The following ADGRL2 variants were observed in gnomAD, a reference collection of about 807,000 sequenced individuals.
ADGRL2 encodes the protein adhesion G protein-coupled receptor L2.
A neutral mutation model predicts 157.4 loss-of-function variants in ADGRL2; 44 were observed. The ratio of observed to expected loss-of-function variants is 0.28; its 90% CI spans 0.22 to 0.36. ADGRL2 has a LOEUF of 0.36. ADGRL2 is among the 10% of genes least tolerant of loss of function. The pLI, the probability that ADGRL2 is intolerant of heterozygous loss-of-function variation, is 1.00. For synonymous variants in ADGRL2, 585 were observed against 624.7 expected (o/e 0.94, Z 0.95); for missense variants, 1,510 against 1,768.9 (o/e 0.85, Z 2.63).
intron 2 of ADGRL2, among the ~76,000 whole-genome samples, chr1:81,791,105 G>A (rs915123569): frequency 4.0e-5 from 6 of 150,360 alleles, no homozygotes; most frequent in Non-Finnish European, 5.9e-5. Flanking sequence ...ATGTGAGCAG[G>A]GAGGGCAGTG....
At chr1:81,320,629 G>A (rs1230539365) in intron 1 of ADGRL2, among the ~76,000 whole-genome samples, 3 of 152,176 alleles carry the variant, frequency 2.0e-5, no homozygotes, top group South Asian at 4.1e-4. Flanking sequence ...CAGGTACATT[G>A]TAATGATAGT....
intron 2 of ADGRL2, among the ~76,000 whole-genome samples, chr1:81,556,740 A>T (rs1036869962): frequency 1.3e-5 from 2 of 152,028 alleles, no homozygotes; most frequent in Non-Finnish European, 2.9e-5. Context: ...ACTAAAATCA[A>T]CTCATTCTCT....
chr1:81,533,789 T>G lies in ADGRL2; in HGVS notation c.-247-47087T>G, dbSNP rs550605258. 5.3e-5 allele frequency among the ~76,000 whole-genome samples: 8 copies of G among 152,244 alleles called. No homozygotes were observed. The South Asian group carries it at 8.3e-4, about 16-fold the overall frequency. ...AATAACTCCATATCCAGCTCCCTCCTCCCACCCACACCCTCACACTAGGAG... is the reference window on the plus strand; with the variant it reads ...AATAACTCCATATCCAGCTCCCTCCGCCCACCCACACCCTCACACTAGGAG... On this transcript the variant is annotated intron_variant, in intron 2 of 24. Transcript: ENST00000370721.
chr1:81,343,067 CTTTTCT>C (rs1271339125), intron 1 of ADGRL2, among the ~76,000 whole-genome samples: 20 of 142,148 alleles, frequency 1.4e-4, no homozygotes, highest in Middle Eastern at 3.8e-3. Flanking sequence ...CTCTTTTTTT[CTTTTCT>C]TTTTTTCTTT....
At chr1:81,443,437 C>CAA (rs199968094) in intron 1 of ADGRL2, among the ~76,000 whole-genome samples, 10 of 117,912 alleles carry the variant, frequency 8.5e-5, no homozygotes, top group Admixed American at 8.8e-5. Context: ...AACTCCATCT[C>CAA]AAAAAAAAAA....
intron 1 of ADGRL2, among the ~76,000 whole-genome samples, chr1:81,441,217 G>A (rs1243659903): frequency 6.6e-6 from 1 of 151,896 alleles, no homozygotes; most frequent in South Asian, 2.1e-4. Context: ...TTATTAATAT[G>A]GCATATTGCT....
chr1:81,470,273 G>A (rs1231660608), intron 2 of ADGRL2, among the ~76,000 whole-genome samples: 1 of 152,172 alleles, frequency 6.6e-6, no homozygotes, highest in Non-Finnish European at 1.5e-5. Flanking sequence ...TATAAAAAGA[G>A]TGGCTGCTGC....
intron 1 of ADGRL2, among the ~76,000 whole-genome samples, chr1:81,367,421 C>T (rs1371592350): frequency 6.6e-6 from 1 of 152,072 alleles, no homozygotes; most frequent in Non-Finnish European, 1.5e-5. Context: ...CACCATGTGT[C>T]CATGTGTTCT....
At chr1:81,654,412 A>G (rs1480582658) in intron 3 of ADGRL2, among the ~76,000 whole-genome samples, 4 of 152,036 alleles carry the variant, frequency 2.6e-5, no homozygotes, top group Admixed American at 2.6e-4. Flanking sequence ...CACCTCCCTT[A>G]TTCAAGCCCA....
At chr1:81,558,794 T>C (rs567483034) in intron 2 of ADGRL2, among the ~76,000 whole-genome samples, 1 of 152,320 alleles carries the variant, frequency 6.6e-6, no homozygotes, top group Admixed American at 6.5e-5. Context: ...TCTAAGGCAC[T>C]GAATCTAAAC....
At chr1:81,716,423 C>T (rs540353931) in intron 1 of ADGRL2, among the ~76,000 whole-genome samples, 2 of 152,200 alleles carry the variant, frequency 1.3e-5, no homozygotes, top group South Asian at 2.1e-4. Flanking sequence ...AGGGCCTGCA[C>T]GAGTTTGTGT....
intron 3 of ADGRL2, among the ~76,000 whole-genome samples, chr1:81,630,628 C>T (rs116823200): frequency 0.018 from 2,719 of 152,116 alleles, 75 homozygotes; most frequent in African/African-American, 0.063. Flanking sequence ...ACAATGAAAC[C>T]AGCACATGCA....
At chr1:81,649,454 G>A (rs1350744297) in intron 3 of ADGRL2, among the ~76,000 whole-genome samples, 1 of 152,156 alleles carries the variant, frequency 6.6e-6, no homozygotes, top group Non-Finnish European at 1.5e-5. Flanking sequence ...TTATTTTTGA[G>A]CTGAGGCCCT....
chr1:81,704,271 C>A (rs12128033), intron 1 of ADGRL2, among the ~76,000 whole-genome samples: 13,473 of 152,270 alleles, frequency 0.088, 823 homozygotes, highest in Non-Finnish European at 0.13. Context: ...CTGCTTAATG[C>A]GTCTGGAATT....
At chr1:81,393,355 G>GAA (rs538044922) in intron 1 of ADGRL2, among the ~76,000 whole-genome samples, 4 of 121,246 alleles carry the variant, frequency 3.3e-5, no homozygotes, top group African/African-American at 1.1e-4. Context: ...CATGCCCCAG[G>GAA]GAAAAAAAAA....
intron 1 of ADGRL2, among the ~76,000 whole-genome samples, chr1:81,370,218 A>AT (rs1199469879): frequency 1.3e-5 from 2 of 152,120 alleles, no homozygotes; most frequent in African/African-American, 4.8e-5. Context: ...AGTTTAATTG[A>AT]TTTTTTACCT....
At chr1:81,746,924 G>A (rs1217116592) in intron 1 of ADGRL2, among the ~76,000 whole-genome samples, 4 of 143,974 alleles carry the variant, frequency 2.8e-5, no homozygotes, top group African/African-American at 1.0e-4. Flanking sequence ...ACGTATATAC[G>A]TATATACACA....
At chr1:81,982,629 C>T (rs1218245379) in intron 19 of ADGRL2, among the ~76,000 whole-genome samples, 3 of 151,766 alleles carry the variant, frequency 2.0e-5, no homozygotes, top group Non-Finnish European at 2.9e-5. Flanking sequence ...CTAATGTAGT[C>T]GTTTTATTCT....
chr1:81,490,230 C>A (rs528488957), intron 2 of ADGRL2, among the ~76,000 whole-genome samples: 48 of 150,862 alleles, frequency 3.2e-4, no homozygotes, highest in African/African-American at 1.0e-3. Flanking sequence ...CTCCTTGGTT[C>A]AGGCAATTCT....
Sources: gnomAD v4.1 joint callset for allele counts (sites outside exome capture counted in the v4.1 genomes callset) on GRCh38, gnomAD v4.1.1 for gene constraint, MANE v1.5 for transcripts, NCBI Gene and HGNC (gene_info 2026-07-23, HGNC 2026-07-21) for gene names.